Variants in AFF2 observed in about 807,000 individuals in gnomAD.
The protein encoded by AFF2 is AF4/FMR2 family member 2.
Under a neutral mutation model 76.9 loss-of-function variants are expected in AFF2, and 14 were observed. The observed-to-expected ratio is 0.18, with a 90% CI of 0.12 to 0.28. AFF2 has a LOEUF of 0.28. Ranked by LOEUF, AFF2 falls within the 10% of genes least tolerant of loss-of-function variation. The pLI, the probability that AFF2 is intolerant of heterozygous loss-of-function variation, is 1.00. For missense variants in AFF2, 868 were observed against 1,001.1 expected (o/e 0.87, Z 1.79); for synonymous variants, 398 against 366.7 (o/e 1.09, Z -0.98).
In AFF2 at chrX:148,978,589, C is replaced by T. The variant is rs1217900811; in HGVS notation, c.3570+134C>T. On this transcript the variant is annotated intron_variant, in intron 18 of 20. Coordinates refer to ENST00000370460, the MANE Select transcript of AFF2 (RefSeq NM_002025.4). ...CTCCCTGCTGGCCATGGCCGTCCTA[C>T]CCTTCCTTAAGGGCTCAGCAAGGAG... 24 of 458,540 alleles carry T rather than the reference C, an allele frequency of 5.2e-5. No homozygotes were observed. The Admixed American group carries it at 6.7e-4, about 13-fold the overall frequency. 37.8% of individuals were successfully genotyped at this position (458,540 alleles called of 1,213,427 possible).
At chrX:148,674,519 C>T (rs782146310) in intron 3 of AFF2, among the ~76,000 whole-genome samples, 4 of 112,274 alleles carry the variant, frequency 3.6e-5, no homozygotes, top group Middle Eastern at 4.6e-3. Flanking sequence ...TCTAGGCCTA[C>T]AGACAGGTGG....
In AFF2 at chrX:148,652,999, C is replaced by A. The variant is rs73619941; in HGVS notation, c.180+868C>A. On this transcript the variant is annotated intron_variant, in intron 2 of 20. Transcript: ENST00000370460. ...AGTACCCTTTAAGGGACAGTGACTT[C>A]TGGAAAAGGAAAGTTCTTAAGGAAG... is the stretch of plus-strand genomic sequence containing the variant. 8.7e-3 allele frequency among the ~76,000 whole-genome samples: 972 copies of A among 111,771 alleles called. 15 individuals are homozygous for A. Among genetic ancestry groups the A allele is most frequent in the African/African-American group, 0.03 (912 of 30,745 alleles).
At chrX:148,702,380 T>C (rs1557261954) in intron 3 of AFF2, among the ~76,000 whole-genome samples, 3 of 111,821 alleles carry the variant, frequency 2.7e-5, no homozygotes, top group Non-Finnish European at 5.6e-5. Flanking sequence ...GTGCAAATGG[T>C]GTTAAAGAGA....
intron 1 of AFF2, among the ~76,000 whole-genome samples, chrX:148,523,376 G>A (rs1557234763): frequency 8.9e-6 from 1 of 112,003 alleles, no homozygotes; most frequent in Admixed American, 9.5e-5. Context: ...TCTTGGAAAT[G>A]TGTGGGACAG....
intron 7 of AFF2, 104 bp from the exon 8 acceptor site, chrX:148,885,785 T>C: frequency 2.9e-6 from 2 of 682,802 alleles, no homozygotes; most frequent in Non-Finnish European, 2.4e-6. Flanking sequence ...GATTTGCAGC[T>C]GTCAGATTGT....
chrX:148,634,084 C>A (rs1386666183), intron 1 of AFF2, among the ~76,000 whole-genome samples: 1 of 111,532 alleles, frequency 9.0e-6, no homozygotes, highest in Non-Finnish European at 1.9e-5. Context: ...GAAAATGATG[C>A]CTTTGATCTC....
intron 1 of AFF2, among the ~76,000 whole-genome samples, chrX:148,600,376 A>G (rs781831580): frequency 1.6e-4 from 18 of 111,720 alleles, no homozygotes; most frequent in Non-Finnish European, 2.4e-4. Flanking sequence ...GCCGGCCTAA[A>G]TCCACTAATC....
At chrX:148,711,453 A>G (rs1569553989) in intron 3 of AFF2, among the ~76,000 whole-genome samples, 1 of 112,335 alleles carries the variant, frequency 8.9e-6, no homozygotes, top group East Asian at 2.8e-4. Context: ...TATTTCACCT[A>G]TAAAAATTCT....
intron 3 of AFF2, among the ~76,000 whole-genome samples, chrX:148,724,839 G>A (rs2055137667): frequency 8.9e-6 from 1 of 112,476 alleles, no homozygotes; most frequent in African/African-American, 3.2e-5. Context: ...ATAGCAATAG[G>A]GAGGACAGAA....
At chrX:148,566,692 T>C (rs1373480083) in intron 1 of AFF2, among the ~76,000 whole-genome samples, 1 of 110,970 alleles carries the variant, frequency 9.0e-6, no homozygotes. Context: ...AAGGTCTCTA[T>C]CCTTAAGAAT....
At chrX:148,796,276 G>A (rs1450325133) in intron 3 of AFF2, among the ~76,000 whole-genome samples, 1 of 110,460 alleles carries the variant, frequency 9.1e-6, no homozygotes, top group Non-Finnish European at 1.9e-5. Context: ...GGCCACTGGA[G>A]GGAAATTTCC....
chrX:148,895,194 G>GA (rs2071269269), intron 8 of AFF2, among the ~76,000 whole-genome samples: 1 of 111,195 alleles, frequency 9.0e-6, no homozygotes, highest in Admixed American at 9.5e-5. Flanking sequence ...TTACTGGGGG[G>GA]GCCAGCAAGC....
At position 148,519,880 on chromosome X, in the gene AFF2, G is replaced by A. The variant is rs2052576642; in HGVS notation, c.47+18736G>A. ...CTGTTAGCCTTTTTGTCTGGTTGAA[G>A]GCTGTTGTGTCTAAACATATTATGA... On this transcript the variant is annotated intron_variant, in intron 1 of 20. Transcript: ENST00000370460. Among the ~76,000 whole-genome samples, 3 of 111,877 alleles carry A rather than the reference G, an allele frequency of 2.7e-5. No homozygotes were observed. The Admixed American group carries it at 2.8e-4, about 11-fold the overall frequency.
intron 1 of AFF2, among the ~76,000 whole-genome samples, chrX:148,614,747 TTTCTTTC>T (rs1569552175): frequency 1.2e-4 from 5 of 41,262 alleles, no homozygotes; most frequent in Admixed American, 4.4e-4. Context: ...CTTTTCTTTC[TTTCTTTC>T]TTTCTTTCTT....
chrX:148,720,019 C>G (rs1400436737), intron 3 of AFF2, among the ~76,000 whole-genome samples: 2 of 111,128 alleles, frequency 1.8e-5, no homozygotes, highest in African/African-American at 3.3e-5. Flanking sequence ...TCCATTCCCC[C>G]AACTCTACTC....
intron 7 of AFF2, among the ~76,000 whole-genome samples, chrX:148,874,850 T>G (rs1299123965): frequency 8.9e-6 from 1 of 111,786 alleles, no homozygotes; most frequent in African/African-American, 3.3e-5. Context: ...ATTGGTGAGC[T>G]ACAGAGAATT....
chrX:148,930,723 A>G (rs1454355393), intron 9 of AFF2, among the ~76,000 whole-genome samples: 6 of 112,296 alleles, frequency 5.3e-5, no homozygotes, highest in Non-Finnish European at 9.4e-5. Flanking sequence ...ACCTGGAAAG[A>G]TGTCTATCAC....
rs149563971 is a variant in AFF2, at chrX:148,996,755, A to C, written c.*5423A>C. On this transcript the variant is annotated 3_prime_UTR_variant, in exon 21 of 21. Transcript: ENST00000370460. ...AAGCCCTCCTGAGCTGAAAGGAGAG[A>C]TGGATCAATGGAGATGGTTCCATCA... is the stretch of plus-strand genomic sequence containing the variant. The C allele has an allele frequency of 5.0e-3, 563 of 112,207 alleles. No homozygotes were observed. Among genetic ancestry groups the C allele is most frequent in the Non-Finnish European group, 7.0e-3 (375 of 53,239 alleles). 9.2% of individuals were successfully genotyped at this position (112,207 alleles called of 1,213,427 possible).
intron 3 of AFF2, among the ~76,000 whole-genome samples, chrX:148,726,288 T>C (rs946263361): frequency 1.8e-5 from 2 of 111,958 alleles, no homozygotes; most frequent in Admixed American, 1.9e-4. Flanking sequence ...AGGTTTTTAC[T>C]GGGGTCTGGT....
Sources: allele counts gnomAD v4.1 joint callset (sites outside exome capture counted in the v4.1 genomes callset), GRCh38; gene constraint gnomAD v4.1.1; transcripts MANE v1.5; gene names NCBI Gene and HGNC (gene_info 2026-07-23, HGNC 2026-07-21).